The following MAP3K13 variants were observed in gnomAD, a reference collection of about 807,000 sequenced individuals.
The protein encoded by MAP3K13 is leucine zipper-bearing kinase.
Under a neutral mutation model 104.0 loss-of-function variants are expected in MAP3K13, and 52 were observed. The ratio of observed to expected loss-of-function variants is 0.50; its 90% confidence interval spans 0.40 to 0.63. The LOEUF is 0.63. Ranked by LOEUF, MAP3K13 falls within the 20% of genes least tolerant of loss-of-function variation. The pLI is 0.00. For synonymous variants in MAP3K13, 394 were observed against 442.2 expected, an observed-to-expected ratio of 0.89 and a Z score of 1.37; for missense variants, 914 against 1,218.5, an observed-to-expected ratio of 0.75 and a Z score of 3.72.
chr3:185,444,202 A>G (rs999478874), intron 4 of MAP3K13, among the ~76,000 whole-genome samples: 4 of 151,942 alleles, frequency 2.6e-5, no homozygotes, highest in Non-Finnish European at 5.9e-5. Context: ...CAGGCATGGT[A>G]GCAGGTGCCT....
intron 2 of MAP3K13, among the ~76,000 whole-genome samples, chr3:185,355,003 G>A (rs997899934): frequency 6.6e-6 from 1 of 152,018 alleles, no homozygotes; most frequent in African/African-American, 2.4e-5. Flanking sequence ...TCTTCCCGGG[G>A]CCCTAATTTT....
chr3:185,454,831 A>ACATGATATATATATGAGAT, intron 7 of MAP3K13, among the ~76,000 whole-genome samples: 1 of 106,432 alleles, frequency 9.4e-6, no homozygotes, highest in East Asian at 2.4e-4. Context: ...TGAGATATAT[A>ACATGATATATATATGAGAT]CATGATATAT....
rs577390589 is a variant in MAP3K13 at position 185,450,425 on chromosome 3, C to T, written c.1169+367C>T. Among the ~76,000 whole-genome samples the T allele has an allele frequency of 5.3e-5, 8 of 152,156 alleles. No homozygotes were observed. The highest frequency in any genetic ancestry group is 3.4e-3 in the Middle Eastern group (1 of 294). Reference sequence around the variant, plus strand: ...CCTAGATTTCCATTTCATCATTAGACGTATCTCATAATTACATTTTCCTTT... The same window carrying T: ...CCTAGATTTCCATTTCATCATTAGATGTATCTCATAATTACATTTTCCTTT... On this transcript the variant is annotated intron_variant, in intron 6 of 13. Transcript: ENST00000265026. The surrounding 1 kb of genome is among the most constrained non-coding windows in gnomAD (Gnocchi z 4.2).
At chr3:185,434,386 A>C (rs777528095) in intron 2 of MAP3K13, among the ~76,000 whole-genome samples, 17 of 152,244 alleles carry the variant, frequency 1.1e-4, no homozygotes, top group Non-Finnish European at 1.9e-4. Flanking sequence ...AAAAGAATTG[A>C]TAACACTTAC....
At chr3:185,329,840 AC>A in intron 2 of MAP3K13, among the ~76,000 whole-genome samples, 1 of 151,664 alleles carries the variant, frequency 6.6e-6, no homozygotes, top group South Asian at 2.1e-4. Context: ...AAAACCTGGT[AC>A]ATGACAATTA....
intron 7 of MAP3K13, among the ~76,000 whole-genome samples, chr3:185,455,856 G>GATATCTATGAT (rs1716688974): frequency 8.5e-6 from 1 of 117,546 alleles, no homozygotes; most frequent in Non-Finnish European, 1.6e-5. Flanking sequence ...ATATATATGA[G>GATATCTATGAT]ATATATATGA....
intron 2 of MAP3K13, among the ~76,000 whole-genome samples, chr3:185,353,864 C>T (rs1723238183): frequency 6.6e-6 from 1 of 152,148 alleles, no homozygotes; most frequent in Admixed American, 6.6e-5. Context: ...AGGTCTACCT[C>T]CTTGTTGAAA....
At chr3:185,298,436 G>A (rs971169214) in intron 2 of MAP3K13, among the ~76,000 whole-genome samples, 1 of 152,142 alleles carries the variant, frequency 6.6e-6, no homozygotes, top group Non-Finnish European at 1.5e-5. Context: ...CAAAGGGAAA[G>A]TATTTTACCA....
intron 2 of MAP3K13, among the ~76,000 whole-genome samples, chr3:185,286,828 AT>A (rs1288824141): frequency 8.6e-5 from 13 of 151,546 alleles, no homozygotes; most frequent in Non-Finnish European, 1.5e-4. Context: ...TACATCTCAC[AT>A]TTTTTCCATA....
intron 6 of MAP3K13, 58 bp from the exon 7 acceptor site, chr3:185,451,229 A>G: frequency 1.6e-6 from 2 of 1,245,314 alleles, no homozygotes; most frequent in South Asian, 1.4e-5. Flanking sequence ...GTAAAATAAA[A>G]TCTTCATTCT....
At position 185,473,777 on chromosome 3, in the gene MAP3K13, G is replaced by T; in HGVS notation, c.2430+16G>T. On this transcript the variant is annotated intron_variant, in intron 11 of 13. Coordinates refer to ENST00000265026, the MANE Select transcript of MAP3K13 (RefSeq NM_004721.5). This position sits in a 1 kb window ranked among gnomAD's most constrained non-coding sequence, Gnocchi z 4.9. ...TCTGCAGAAGGTAAAGTGTAATGAT[G>T]AGAGTGGCCTGCGTCACTGCCTTCA... is the stretch of plus-strand genomic sequence containing the variant. 6.2e-7 allele frequency: 1 copy of T among 1,602,668 alleles called. No individual in the cohort carries two copies. Among genetic ancestry groups the T allele is most frequent in the African/African-American group, 1.3e-5 (1 of 74,588 alleles).
intron 1 of MAP3K13, among the ~76,000 whole-genome samples, 200 bp from the exon 2 acceptor site, chr3:185,428,297 A>G (rs1350301424): frequency 6.6e-6 from 1 of 152,016 alleles, no homozygotes; most frequent in Non-Finnish European, 1.5e-5. Flanking sequence ...TTTTATATTA[A>G]TGTGTCATGG....
upstream of MAP3K13, among the ~76,000 whole-genome samples, chr3:185,359,127 A>G (rs1012789703): frequency 2.0e-5 from 3 of 152,198 alleles, no homozygotes; most frequent in Non-Finnish European, 2.9e-5. Context: ...ACAGTTCCAC[A>G]TGGCTGGGGA....
At position 185,395,215 on chromosome 3, in the gene MAP3K13, C is replaced by T. The variant is rs570583470; in HGVS notation, c.-86+31847C>T. ...CTTTCTTCCCAGTCTATTGACTTTT[C>T]TTTTTTCTTTCCACTATACCAAACT... is the stretch of plus-strand genomic sequence containing the variant. On this transcript the variant is annotated intron_variant, in intron 1 of 13. Transcript: ENST00000265026. Among the ~76,000 whole-genome samples the T allele has an allele frequency of 5.9e-5, 9 of 151,984 alleles. No individual in the cohort carries two copies. The South Asian group carries it at 1.7e-3, about 28-fold the overall frequency.
intron 2 of MAP3K13, among the ~76,000 whole-genome samples, chr3:185,321,920 A>T (rs1721884196): frequency 1.3e-5 from 2 of 152,220 alleles, no homozygotes; most frequent in South Asian, 4.1e-4. Flanking sequence ...GAGTTTTAAT[A>T]GCAAGTACAC....
intron 4 of MAP3K13, among the ~76,000 whole-genome samples, chr3:185,447,494 CAAAAAAAAAAAA>C (rs1178155454): frequency 1.2e-3 from 33 of 28,420 alleles, no homozygotes; most frequent in South Asian, 4.7e-3. Context: ...AACTCTGTCT[CAAAAAAAAAAAA>C]AAAAAAAAAA....
At chr3:185,308,009 C>CTTTTTTTTTTTTTTTTTTTTTTTTTTT (rs33949195) in intron 2 of MAP3K13, among the ~76,000 whole-genome samples, 17 of 31,574 alleles carry the variant, frequency 5.4e-4, no homozygotes, top group East Asian at 1.4e-3. Context: ...TCTTTGGGGT[C>CTTTTTTTTTTTTTTTTTTTTTTTTTTT]TTTTTTTTTT....
intron 3 of MAP3K13, among the ~76,000 whole-genome samples, chr3:185,439,420 C>T (rs1230036882): frequency 2.6e-5 from 4 of 151,950 alleles, no homozygotes; most frequent in Admixed American, 2.6e-4. Flanking sequence ...TTATTTCAAG[C>T]AGACAGACAA....
intron 1 of MAP3K13, among the ~76,000 whole-genome samples, chr3:185,420,575 A>G (rs948651830): frequency 3.3e-5 from 5 of 152,234 alleles, no homozygotes; most frequent in African/African-American, 1.2e-4. Context: ...GATAGGCAAG[A>G]AGACGCCAAG....
Sources: allele counts gnomAD v4.1 joint callset (sites outside exome capture counted in the v4.1 genomes callset), GRCh38; gene constraint gnomAD v4.1.1; non-coding constraint Gnocchi (gnomAD v3.1); transcripts MANE v1.5; gene names NCBI Gene and HGNC (gene_info 2026-07-23, HGNC 2026-07-21).